TLK2: variants seen among roughly 807,000 people sequenced by gnomAD.
The protein encoded by TLK2 is serine/threonine-protein kinase tousled-like 2.
Under a neutral mutation model 117.3 loss-of-function variants are expected in TLK2, and 6 were observed. The observed-to-expected ratio is 0.05, with a 90% CI of 0.03 to 0.10. TLK2 has a LOEUF of 0.10. TLK2 is among the 10% of genes least tolerant of loss of function. The pLI is 1.00. For missense variants in TLK2, 299 were observed against 901.2 expected, an observed-to-expected ratio of 0.33 and a Z score of 8.56; for synonymous variants, 257 against 316.7, an observed-to-expected ratio of 0.81 and a Z score of 2.00.
intron 2 of TLK2, among the ~76,000 whole-genome samples, chr17:62,510,677 T>G (rs2075075249): frequency 6.6e-6 from 1 of 152,234 alleles, no homozygotes; most frequent in Non-Finnish European, 1.5e-5. Context: ...TGTGCATACA[T>G]GTCTGTGCGT....
At chr17:62,551,261 CAG>C (rs1409886537) in intron 7 of TLK2, among the ~76,000 whole-genome samples, 2 of 152,152 alleles carry the variant, frequency 1.3e-5, no homozygotes, top group Non-Finnish European at 1.5e-5. Context: ...TAGAAAGTAT[CAG>C]AAGAAATTCA....
chr17:62,484,875 T>C (rs1422949404), intron 2 of TLK2, among the ~76,000 whole-genome samples: 1 of 151,808 alleles, frequency 6.6e-6, no homozygotes, highest in Admixed American at 6.6e-5. Context: ...GCTAACACGG[T>C]GAAACCCCAT....
rs770913379 is a variant in TLK2 at position 62,481,103 on chromosome 17, C to T, written c.-5-18C>T. 2 of 1,612,840 alleles carry T rather than the reference C, an allele frequency of 1.2e-6. No individual in the cohort carries two copies. The highest frequency in any genetic ancestry group is 2.2e-5 in the East Asian group (1 of 44,860). ...ATTTTAGTGTTTATGGTTTCACAGCCTACTTTTTCTTTTTCAGCAGAAATG... is the reference window on the plus strand; with the variant it reads ...ATTTTAGTGTTTATGGTTTCACAGCTTACTTTTTCTTTTTCAGCAGAAATG... On this transcript the variant is annotated intron_variant, in intron 1 of 21. Coordinates refer to ENST00000346027, the MANE Select transcript of TLK2 (RefSeq NM_006852.6).
intron 11 of TLK2, among the ~76,000 whole-genome samples, chr17:62,571,403 T>C (rs547275552): frequency 3.3e-5 from 5 of 152,196 alleles, no homozygotes; most frequent in Admixed American, 1.3e-4. Flanking sequence ...TTTGTACATA[T>C]TCAGTATAGA....
chr17:62,485,816 G>GTTTTTT (rs879159414), intron 2 of TLK2, among the ~76,000 whole-genome samples: 3 of 122,562 alleles, frequency 2.4e-5, no homozygotes, highest in Non-Finnish European at 5.1e-5. Flanking sequence ...TAATTTTCTG[G>GTTTTTT]TTTTTTTTTT....
intron 16 of TLK2, among the ~76,000 whole-genome samples, chr17:62,591,597 TAA>T (rs778986102): frequency 6.6e-6 from 1 of 152,082 alleles, no homozygotes; most frequent in Non-Finnish European, 1.5e-5. Context: ...TGGAAAAACG[TAA>T]AGATGATGAA....
At chr17:62,492,596 T>A (rs944547594) in intron 2 of TLK2, among the ~76,000 whole-genome samples, 2 of 151,988 alleles carry the variant, frequency 1.3e-5, no homozygotes, top group African/African-American at 4.8e-5. Flanking sequence ...TAGCTGGGAT[T>A]ACAGGGACCT....
At chr17:62,474,124 G>A (rs76816752), upstream of TLK2, among the ~76,000 whole-genome samples, 1 of 152,066 alleles carries the variant, frequency 6.6e-6, no homozygotes, top group Non-Finnish European at 1.5e-5. Context: ...TGTCGCCCAG[G>A]CTGGAGTGCA....
At chr17:62,506,286 A>T (rs536964795) in intron 2 of TLK2, among the ~76,000 whole-genome samples, 2 of 152,340 alleles carry the variant, frequency 1.3e-5, no homozygotes, top group Admixed American at 1.3e-4. Flanking sequence ...ACGTGTGTGT[A>T]TGTAGGAGGT....
intron 7 of TLK2, among the ~76,000 whole-genome samples, chr17:62,549,423 A>AGT: frequency 8.7e-6 from 1 of 114,856 alleles, no homozygotes; most frequent in East Asian, 2.4e-4. Context: ...AAAAAAAAAA[A>AGT]AAAAAAAAAA....
chr17:62,568,712 G>A lies in TLK2; in HGVS notation c.968+3575G>A, dbSNP rs1181657106. Among the ~76,000 whole-genome samples, 5 of 151,962 alleles carry A rather than the reference G, an allele frequency of 3.3e-5. No homozygotes were observed. In the East Asian group the frequency reaches 8.0e-4, roughly 24 times the overall value. On this transcript the variant is annotated intron_variant, in intron 11 of 21. Coordinates refer to ENST00000346027, the MANE Select transcript of TLK2 (RefSeq NM_006852.6). Reference sequence around the variant, plus strand: ...TGATTCTCCTGCCTCAGCCTCCTCAGTAGCTGGGATTACAGGTGCCCACCA... The same window carrying A: ...TGATTCTCCTGCCTCAGCCTCCTCAATAGCTGGGATTACAGGTGCCCACCA...
chr17:62,582,141 G>A lies in TLK2; in HGVS notation c.1368+1949G>A, dbSNP rs935301407. Among the ~76,000 whole-genome samples the A allele has an allele frequency of 3.9e-5, 6 of 152,238 alleles. No individual in the cohort carries two copies. In the East Asian group the frequency reaches 1.2e-3, roughly 29 times the overall value. ...TTGAGTTAGTGGAAAACATTTGGCT[G>A]TGTTTTCAATTTCTTCTACAACTAT... On this transcript the variant is annotated intron_variant, in intron 15 of 21. Transcript: ENST00000346027.
rs1469739344 is a variant in TLK2, at chr17:62,607,390, G to A, written c.1972-651G>A. Among the ~76,000 whole-genome samples, 13 of 151,764 alleles carry A rather than the reference G, an allele frequency of 8.6e-5. 1 individual carries two copies. The highest frequency in any genetic ancestry group is 4.6e-4 in the Admixed American group (7 of 15,240). ...AAAAAAAAAAAAAAATTAGCCGGGC[G>A]TGGTGGCGGGTGCCTGTAGTCCCAG... On this transcript the variant is annotated intron_variant, in intron 20 of 21. Coordinates refer to ENST00000346027, the MANE Select transcript of TLK2 (RefSeq NM_006852.6).
At chr17:62,554,894 A>G (rs2078732697) in intron 9 of TLK2, among the ~76,000 whole-genome samples, 1 of 151,446 alleles carries the variant, frequency 6.6e-6, no homozygotes, top group African/African-American at 2.4e-5. Flanking sequence ...AAAAAAAATT[A>G]TACATGCTCT....
chr17:62,559,509 C>G (rs974284546), intron 9 of TLK2, among the ~76,000 whole-genome samples: 1 of 151,860 alleles, frequency 6.6e-6, no homozygotes, highest in Non-Finnish European at 1.5e-5. Flanking sequence ...TCCCGAGTAG[C>G]TGGAATTACA....
intron 2 of TLK2, among the ~76,000 whole-genome samples, chr17:62,500,119 G>A (rs2074066294): frequency 6.6e-6 from 1 of 151,674 alleles, no homozygotes; most frequent in Non-Finnish European, 1.5e-5. Context: ...GCCCAAGCTG[G>A]AGTGCAGTGG....
intron 16 of TLK2, among the ~76,000 whole-genome samples, chr17:62,592,163 T>G (rs2082130934): frequency 6.6e-6 from 1 of 152,064 alleles, no homozygotes; most frequent in African/African-American, 2.4e-5. Flanking sequence ...TTCTCCACGT[T>G]GGTCAGGCTG....
At chr17:62,488,278 C>A (rs1343283837) in intron 2 of TLK2, among the ~76,000 whole-genome samples, 3 of 152,160 alleles carry the variant, frequency 2.0e-5, no homozygotes, top group African/African-American at 7.2e-5. Context: ...AAGTCTGATA[C>A]ATCACATTAT....
At chr17:62,500,522 A>G (rs1224993905) in intron 2 of TLK2, among the ~76,000 whole-genome samples, 3 of 152,234 alleles carry the variant, frequency 2.0e-5, no homozygotes, top group Admixed American at 1.3e-4. Context: ...CAAATCCACA[A>G]TTACATTTGG....
Sources: gnomAD v4.1 joint callset for allele counts (sites outside exome capture counted in the v4.1 genomes callset) on GRCh38, gnomAD v4.1.1 for gene constraint, MANE v1.5 for transcripts, NCBI Gene and HGNC (gene_info 2026-07-23, HGNC 2026-07-21) for gene names.